Variants in CACNA1C observed in about 807,000 individuals in gnomAD.
The protein encoded by CACNA1C is voltage-dependent L-type calcium channel subunit alpha-1C.
In CACNA1C, 30 loss-of-function variants were observed where a neutral mutation model predicts 229.0. The ratio of observed to expected loss-of-function variants is 0.13; its 90% CI spans 0.10 to 0.18. The LOEUF (loss-of-function observed/expected upper bound fraction) is 0.18, where lower values mean the gene tolerates loss of function less well. Ranked by LOEUF, CACNA1C falls within the 10% of genes least tolerant of loss-of-function variation. The probability of loss-of-function intolerance (pLI) is 1.00; values close to 1 mark genes in which losing one functional copy is unlikely to be tolerated. For missense variants in CACNA1C, 1,658 were observed against 2,845.0 expected (o/e 0.58, Z 9.49); for synonymous variants, 1,114 against 1,132.5 (o/e 0.98, Z 0.33).
chr12:2,239,220 T>G lies in CACNA1C; in HGVS notation c.477+118790T>G, dbSNP rs115198211. On this transcript the variant is annotated intron_variant, in intron 3 of 46. Transcript: ENST00000399655. ...GTACCAAAACAGCCAGAGAACTGTT[T>G]GGGAGAAGTTGCCTCCAGAGCACTC... Among the ~76,000 whole-genome samples, 1,516 of 152,298 alleles carry G rather than the reference T, an allele frequency of 1.0e-2. 34 individuals are homozygous for G. The highest frequency in any genetic ancestry group is 0.034 in the African/African-American group (1,428 of 41,560).
chr12:2,174,373 A>G (rs1352648194), intron 3 of CACNA1C, among the ~76,000 whole-genome samples: 2 of 152,208 alleles, frequency 1.3e-5, no homozygotes, highest in African/African-American at 2.4e-5. Flanking sequence ...TATTCTAGGT[A>G]CTTTGAATTT....
intron 34 of CACNA1C, among the ~76,000 whole-genome samples, chr12:2,658,163 A>C (rs2095520247): frequency 6.6e-6 from 1 of 152,246 alleles, no homozygotes. Flanking sequence ...ATTCTTTTTA[A>C]ACACCTCAGA....
At chr12:2,154,548 A>G (rs1349588249) in intron 3 of CACNA1C, among the ~76,000 whole-genome samples, 1 of 152,186 alleles carries the variant, frequency 6.6e-6, no homozygotes, top group Non-Finnish European at 1.5e-5. Context: ...GTTAGGGCTC[A>G]GGGGTCTCAA....
rs758922114 is a variant in CACNA1C, at chr12:2,688,773, G to A, written c.6111G>A (p.Val2037=). 46 of 1,530,512 alleles carry A rather than the reference G, an allele frequency of 3.0e-5. No homozygotes were observed. Among genetic ancestry groups the A allele is most frequent in the South Asian group, 1.3e-4 (10 of 79,856 alleles). 94.8% of individuals were successfully genotyped at this position (1,530,512 alleles called of 1,614,324 possible). A position where few individuals can be genotyped will look rare whatever the true frequency, so the allele number is the denominator to read the frequency against. Residue 2037 remains valine (V), a synonymous_variant, in exon 46 of 47, where the codon GTG becomes GTA. Coordinates refer to ENST00000399655, the MANE Select transcript of CACNA1C (RefSeq NM_000719.7). ...TCCACGGCAGTGCCAGCAGCCTGGT[G>A]GAAGCGGTAGGTGACTCGCAGATGG... is the stretch of plus-strand genomic sequence containing the variant. ...RQFHGSASSL[V]EAVLISEGLG...
At chr12:2,161,475 C>T (rs142325350) in intron 3 of CACNA1C, among the ~76,000 whole-genome samples, 2,022 of 152,236 alleles carry the variant, frequency 0.013, 31 homozygotes, top group African/African-American at 0.045. Flanking sequence ...TGTGGCTGTG[C>T]CAGGGGCCCC....
intron 3 of CACNA1C, among the ~76,000 whole-genome samples, chr12:2,292,504 C>CA (rs1289330728): frequency 6.6e-6 from 1 of 152,164 alleles, no homozygotes; most frequent in Non-Finnish European, 1.5e-5. Flanking sequence ...TTTCAGGAAT[C>CA]AGACAGCCCA....
intron 5 of CACNA1C, among the ~76,000 whole-genome samples, chr12:2,485,588 A>G (rs1255432414): frequency 6.6e-6 from 1 of 152,084 alleles, no homozygotes; most frequent in Non-Finnish European, 1.5e-5. Flanking sequence ...AAAATTGATC[A>G]TTTCAATGAT....
chr12:2,003,597 A>G (rs2042682686), intron 1 of CACNA1C, among the ~76,000 whole-genome samples: 1 of 152,204 alleles, frequency 6.6e-6, no homozygotes, highest in Non-Finnish European at 1.5e-5. Context: ...TCATTCCATT[A>G]CCATTTACTG....
At chr12:2,625,898 C>T (rs1280658962) in intron 29 of CACNA1C, among the ~76,000 whole-genome samples, 1 of 152,036 alleles carries the variant, frequency 6.6e-6, no homozygotes, top group Non-Finnish European at 1.5e-5. Flanking sequence ...ATGGAGGCTG[C>T]AATGAAATAT....
In CACNA1C at chr12:2,189,072, G is replaced by A. The variant is rs112169526; in HGVS notation, c.477+68642G>A. ...CACACCACTACACTCCAGCCTGCGC[G>A]ACAGAACGAGACTCCGTCTCAAAAA... is the stretch of plus-strand genomic sequence containing the variant. On this transcript the variant is annotated intron_variant, in intron 3 of 46. Coordinates refer to ENST00000399655, the MANE Select transcript of CACNA1C (RefSeq NM_000719.7). Among the ~76,000 whole-genome samples the A allele has an allele frequency of 5.1e-3, 635 of 125,020 alleles. 10 individuals carry two copies. The Middle Eastern group carries it at 0.056, about 11-fold the overall frequency. 82.0% of individuals were successfully genotyped at this position (125,020 alleles called of 152,430 possible).
chr12:2,607,258 C>T, intron 26 of CACNA1C, 128 bp downstream of exon 26: 4 of 908,674 alleles, frequency 4.4e-6, no homozygotes, highest in Non-Finnish European at 6.6e-6. Flanking sequence ...GGGTCCTCCC[C>T]AGGCAGTGAG....
At chr12:2,343,725 A>T (rs1260659088) in intron 3 of CACNA1C, among the ~76,000 whole-genome samples, 1 of 152,154 alleles carries the variant, frequency 6.6e-6, no homozygotes, top group African/African-American at 2.4e-5. Flanking sequence ...TTAATTAGAT[A>T]ATGCTTCCTG....
chr12:2,344,550 C>T (rs1344958845), intron 3 of CACNA1C, among the ~76,000 whole-genome samples: 1 of 152,120 alleles, frequency 6.6e-6, no homozygotes, highest in Non-Finnish European at 1.5e-5. Flanking sequence ...GCTTATCATT[C>T]CAGAGAATGT....
chr12:2,399,200 T>C (rs2098639971), intron 3 of CACNA1C, among the ~76,000 whole-genome samples: 1 of 152,144 alleles, frequency 6.6e-6, no homozygotes, highest in Admixed American at 6.5e-5. Flanking sequence ...TGTCTAGTGG[T>C]TGCCTGTGAC....
rs2097792021 is a variant in CACNA1C, at chr12:2,691,822, G to T, written c.*623G>T. 6.6e-6 allele frequency: 1 copy of T among 151,198 alleles called. No individual in the cohort carries two copies. Among genetic ancestry groups the T allele is most frequent in the African/African-American group, 2.4e-5 (1 of 41,106 alleles). 9.4% of individuals were successfully genotyped at this position (151,198 alleles called of 1,614,324 possible). On this transcript the variant is annotated 3_prime_UTR_variant, in exon 47 of 47. Coordinates refer to ENST00000399655, the MANE Select transcript of CACNA1C (RefSeq NM_000719.7). ...ACGCCGAGCTCCCGGCCAGCCGCCG[G>T]CCCGCAGGCAGCGCGAGGGAGGAGC...
At chr12:2,261,721 A>G (rs1273141921) in intron 3 of CACNA1C, among the ~76,000 whole-genome samples, 3 of 152,126 alleles carry the variant, frequency 2.0e-5, no homozygotes, top group African/African-American at 7.2e-5. Context: ...TATATGGGCC[A>G]AGCTCTAGAA....
chr12:2,581,458 C>T (rs2060471435), intron 13 of CACNA1C, 132 bp from the exon 14 acceptor site: 1 of 759,806 alleles, frequency 1.3e-6, no homozygotes, highest in Non-Finnish European at 2.1e-6. Context: ...AACACGCATC[C>T]CCCACGGGCA....
intron 13 of CACNA1C, among the ~76,000 whole-genome samples, chr12:2,581,086 G>A (rs1380709210): frequency 1.3e-5 from 2 of 152,190 alleles, no homozygotes; most frequent in African/African-American, 4.8e-5. Context: ...AGCTCAGACT[G>A]GCATTCATGG....
At chr12:2,326,158 AAGG>A (rs1264712994) in intron 3 of CACNA1C, among the ~76,000 whole-genome samples, 2 of 152,060 alleles carry the variant, frequency 1.3e-5, no homozygotes, top group African/African-American at 2.4e-5. Flanking sequence ...GGGAGAGAAA[AAGG>A]AGGATGACGA....
Sources: gnomAD v4.1 joint callset for allele counts (sites outside exome capture counted in the v4.1 genomes callset) on GRCh38, gnomAD v4.1.1 for gene constraint, MANE v1.5 for transcripts, NCBI Gene and HGNC (gene_info 2026-07-23, HGNC 2026-07-21) for gene names.